The following CREB5 variants were observed in gnomAD, a reference collection of about 807,000 sequenced individuals.
The protein encoded by CREB5 is cAMP responsive element binding protein 5.
CREB5 carries 19 observed loss-of-function variants against 57.1 expected under a neutral mutation model. The ratio of observed to expected loss-of-function variants is 0.33; its 90% CI spans 0.23 to 0.49. CREB5 has a LOEUF of 0.49. Ranked by LOEUF, CREB5 falls within the 20% of genes least tolerant of loss-of-function variation. CREB5 has a pLI of 0.99. For missense variants in CREB5, 579 were observed against 671.6 expected, an observed-to-expected ratio of 0.86 and a Z score of 1.52; for synonymous variants, 238 against 238.3, an observed-to-expected ratio of 1.00 and a Z score of 0.01.
intron 7 of CREB5, among the ~76,000 whole-genome samples, chr7:28,756,761 C>T (rs1805338572): frequency 6.6e-6 from 1 of 152,124 alleles, no homozygotes; most frequent in African/African-American, 2.4e-5. Flanking sequence ...GTGTCAGCCA[C>T]AATGGTGTAC....
At chr7:28,363,885 T>C (rs905980793) in intron 1 of CREB5, among the ~76,000 whole-genome samples, 5 of 152,200 alleles carry the variant, frequency 3.3e-5, no homozygotes, top group East Asian at 1.9e-4. Flanking sequence ...CAAATATTAA[T>C]GTATCATATT....
At chr7:28,340,039 T>A (rs1230813634) in intron 1 of CREB5, among the ~76,000 whole-genome samples, 1 of 152,136 alleles carries the variant, frequency 6.6e-6, no homozygotes, top group African/African-American at 2.4e-5. Context: ...GGGTAGTGGG[T>A]TCCACTCTGG....
chr7:28,669,656 A>G (rs1317762732), intron 5 of CREB5, among the ~76,000 whole-genome samples: 1 of 152,238 alleles, frequency 6.6e-6, no homozygotes, highest in East Asian at 1.9e-4. Flanking sequence ...TATCTTCAAC[A>G]CAGGACCATC....
intron 1 of CREB5, among the ~76,000 whole-genome samples, chr7:28,316,370 T>C (rs1177589405): frequency 6.6e-6 from 1 of 151,920 alleles, no homozygotes; most frequent in African/African-American, 2.4e-5. Flanking sequence ...GCCAAAAAGC[T>C]GGCCCGGGGA....
At chr7:28,707,334 G>A (rs372709832) in intron 5 of CREB5, among the ~76,000 whole-genome samples, 1 of 152,200 alleles carries the variant, frequency 6.6e-6, no homozygotes. Context: ...ATTCTCTAAA[G>A]TCATTCTCAT....
chr7:28,343,963 G>A (rs1167964605), intron 1 of CREB5, among the ~76,000 whole-genome samples: 1 of 151,724 alleles, frequency 6.6e-6, no homozygotes, highest in Non-Finnish European at 1.5e-5. Context: ...GTGATATTGA[G>A]CATTTTTTCA....
At position 28,820,473 on chromosome 7, in the gene CREB5, G is replaced by GACTA. The variant is rs1172321984; in HGVS notation, c.*1199_*1202dup. 2.7e-5 allele frequency: 4 copies of GACTA among 150,558 alleles called. No individual in the cohort carries two copies. The highest frequency in any genetic ancestry group is 5.9e-5 in the Non-Finnish European group (4 of 67,740). The allele number at this position is 150,558 out of a possible 1,614,324, so 9.3% of individuals were successfully genotyped here. A position where few individuals can be genotyped will look rare whatever the true frequency, so the allele number is the denominator to read the frequency against. ...TTTGCTGTTCTGGGGGGTGAAAATA[G>GACTA]ACTAACTACTGGAGAAACAAAGAGA... On this transcript the variant is annotated 3_prime_UTR_variant, in exon 11 of 11. Coordinates refer to ENST00000357727, the MANE Select transcript of CREB5 (RefSeq NM_182898.4).
rs1408962745 is a variant in CREB5, at chr7:28,823,354, A to G, written c.*4075A>G. 1 of 152,646 alleles carries G rather than the reference A, an allele frequency of 6.6e-6. No homozygotes were observed. 9.5% of individuals were successfully genotyped at this position (152,646 alleles called of 1,614,324 possible). ...AATTTTATAAGATATTTATTAATAAATGTTATTTTTAAACATTCCATTTGA... is the reference window on the plus strand; with the variant it reads ...AATTTTATAAGATATTTATTAATAAGTGTTATTTTTAAACATTCCATTTGA... On this transcript the variant is annotated 3_prime_UTR_variant, in exon 11 of 11. Transcript: ENST00000357727.
At chr7:28,568,592 C>A (rs1327175327) in intron 4 of CREB5, among the ~76,000 whole-genome samples, 1 of 152,182 alleles carries the variant, frequency 6.6e-6, no homozygotes, top group Non-Finnish European at 1.5e-5. Flanking sequence ...CTACTTTACC[C>A]AATCATAGTG....
At chr7:28,526,459 T>G (rs1793452319) in intron 4 of CREB5, among the ~76,000 whole-genome samples, 1 of 152,224 alleles carries the variant, frequency 6.6e-6, no homozygotes, top group Admixed American at 6.5e-5. Context: ...TTACTTAGCC[T>G]CTAAACTGTG....
chr7:28,419,060 T>C (rs1385848175), intron 1 of CREB5, among the ~76,000 whole-genome samples: 1 of 152,272 alleles, frequency 6.6e-6, no homozygotes, highest in African/African-American at 2.4e-5. Context: ...TATTAACTTC[T>C]TAACATGGAA....
chr7:28,744,472 C>T (rs1164447939), intron 7 of CREB5, among the ~76,000 whole-genome samples: 2 of 151,256 alleles, frequency 1.3e-5, no homozygotes, highest in Non-Finnish European at 2.9e-5. Flanking sequence ...CTCAGCCTCC[C>T]GAGTAGCTGG....
At chr7:28,334,331 A>T (rs994574759) in intron 1 of CREB5, among the ~76,000 whole-genome samples, 1 of 151,816 alleles carries the variant, frequency 6.6e-6, no homozygotes, top group Non-Finnish European at 1.5e-5. Flanking sequence ...AATTTTTTGT[A>T]TATTTAGTAG....
intron 1 of CREB5, 108 bp downstream of exon 1, chr7:28,413,025 A>G (rs1438396789): frequency 1.9e-6 from 2 of 1,050,868 alleles, no homozygotes; most frequent in Non-Finnish European, 2.6e-6. Context: ...TGGAGTTTAG[A>G]TTTTGCACAA....
intron 1 of CREB5, among the ~76,000 whole-genome samples, chr7:28,448,359 T>G (rs192736797): frequency 6.6e-6 from 1 of 152,238 alleles, no homozygotes; most frequent in Non-Finnish European, 1.5e-5. Context: ...GAACCCTGAC[T>G]AACACAGTGT....
chr7:28,684,878 G>C (rs1197496657), intron 5 of CREB5, among the ~76,000 whole-genome samples: 1 of 152,124 alleles, frequency 6.6e-6, no homozygotes, highest in Non-Finnish European at 1.5e-5. Context: ...GCAAAACGGA[G>C]AGATGATGGG....
At position 28,560,939 on chromosome 7, in the gene CREB5, T is replaced by TGC. The variant is rs1216801912; in HGVS notation, c.292-9424_292-9423dup. Among the ~76,000 whole-genome samples, 288 of 31,866 alleles carry TGC rather than the reference T, an allele frequency of 9.0e-3. 29 individuals carry two copies. Among genetic ancestry groups the TGC allele is most frequent in the African/African-American group, 0.038 (260 of 6,902 alleles). The allele number at this position is 31,866 out of a possible 152,430, so 20.9% of individuals were successfully genotyped here. On this transcript the variant is annotated intron_variant, in intron 4 of 10. Coordinates refer to ENST00000357727, the MANE Select transcript of CREB5 (RefSeq NM_182898.4). ...GCGTGTGTGCGCGTGCGTGTGTGCG[T>TGC]GCGTGTGTGTGCGTGTGTGTGCGTG...
chr7:28,467,313 G>A (rs1239766164), intron 1 of CREB5, among the ~76,000 whole-genome samples: 4 of 152,210 alleles, frequency 2.6e-5, no homozygotes, highest in Non-Finnish European at 4.4e-5. Context: ...GACTGGCCAT[G>A]CCATTATGCA....
rs560896677 is a variant in CREB5 at position 28,714,331 on chromosome 7, CT to C, written c.465-4413del. On this transcript the variant is annotated intron_variant, in intron 5 of 10. Coordinates refer to ENST00000357727, the MANE Select transcript of CREB5 (RefSeq NM_182898.4). ...CAATATCTTCCCATCTTCTAACCTA[CT>C]TTTTTTTTGCATTATTGACTCTCTT... Among the ~76,000 whole-genome samples, 29 of 151,544 alleles carry C rather than the reference CT, an allele frequency of 1.9e-4. 1 individual carries two copies. The highest frequency in any genetic ancestry group is 3.4e-3 in the Middle Eastern group (1 of 292).
Sources: gnomAD v4.1 joint callset for allele counts (sites outside exome capture counted in the v4.1 genomes callset) on GRCh38, gnomAD v4.1.1 for gene constraint, MANE v1.5 for transcripts, NCBI Gene and HGNC (gene_info 2026-07-23, HGNC 2026-07-21) for gene names.